Variants in SFTPB observed in about 807,000 individuals in gnomAD.
SFTPB encodes the protein surfactant protein B.
In SFTPB, 32 loss-of-function variants were observed where a neutral mutation model predicts 51.0. The observed-to-expected ratio is 0.63, with a 90% CI of 0.47 to 0.84. The LOEUF is 0.84. Ranked by LOEUF, SFTPB falls within the 40% of genes least tolerant of loss-of-function variation. SFTPB has a pLI of 0.00. For missense variants in SFTPB, 431 were observed against 491.2 expected, an observed-to-expected ratio of 0.88 and a Z score of 1.16; for synonymous variants, 211 against 208.5, an observed-to-expected ratio of 1.01 and a Z score of -0.10.
In SFTPB at chr2:85,662,107, G is replaced by C. The variant is rs2104395780; in HGVS notation, c.1005C>G (p.Cys335Trp). 1.9e-6 allele frequency: 3 copies of C among 1,600,276 alleles called. No homozygotes were observed. The highest frequency in any genetic ancestry group is 2.3e-5 in the South Asian group (2 of 87,872). Residue 335 changes from cysteine (C) to tryptophan (W), a missense_variant and splice_region_variant, in exon 9 of 11, where the codon TGC becomes TGG. Coordinates refer to ENST00000519937, the MANE Select transcript of SFTPB (RefSeq NM_000542.5). The part of the protein sequence containing the change: ...CVGSWLDREK[C>W]KQFVEQHTPQ... ...GCGTGTGCTGCTCCACAAATTGCTT[G>C]CACTGAGGAAGGAGACACACAGCTG...
Position 85,663,684 on chromosome 2 carries a change from A to C in SFTPB, c.836T>G (p.Met279Arg). ...CTCACTTGGGCCAGCGCTGTCATCC[A>C]TGGAGCACCGGAGGACGAGGCGGCA... ...LVCRLVLRCS[M>R]DDSAGPRSPT... The change falls in exon 7 of 11, where the codon ATG (methionine) becomes AGG (arginine). Residue 279 changes from methionine (M) to arginine (R), a missense_variant. By Grantham distance (91) the Met-to-Arg change is moderately conservative. Transcript: ENST00000519937. 6.2e-7 allele frequency: 1 copy of C among 1,612,634 alleles called. No individual in the cohort carries two copies.
At position 85,663,844 on chromosome 2, in the gene SFTPB, C is replaced by T. The variant is rs753120082; in HGVS notation, c.676G>A (p.Ala226Thr). The T allele has an allele frequency of 1.3e-6, 2 of 1,582,258 alleles. No individual in the cohort carries two copies. The highest frequency in any genetic ancestry group is 1.3e-5 in the African/African-American group (1 of 74,500). The change falls in exon 7 of 11, where the codon GCG (alanine) becomes ACG (threonine). Residue 226 changes from alanine to threonine, a missense_variant. Coordinates refer to ENST00000519937, the MANE Select transcript of SFTPB (RefSeq NM_000542.5). ...KRIQAMIPKGALAVAVAQVCR... is the reference protein window; with the variant it reads ...KRIQAMIPKGTLAVAVAQVCR... ...ACCTGGGCCACTGCCACAGCTAGCG[C>T]ACCCTGGGGCGGGGGCGGAGAGAGG...
intron 2 of SFTPB, among the ~76,000 whole-genome samples, chr2:85,667,415 T>TC: frequency 6.7e-6 from 1 of 150,218 alleles, no homozygotes; most frequent in African/African-American, 2.5e-5. Context: ...TCCCATCCCA[T>TC]CCATCTTTAT....
intron 8 of SFTPB, chr2:85,662,386 T>G: frequency 1.0e-6 from 1 of 996,120 alleles, no homozygotes; most frequent in Non-Finnish European, 1.4e-6. Flanking sequence ...CACCTCCATT[T>G]CAGTTCTAGA....
chr2:85,666,285 G>A (rs534826586), intron 4 of SFTPB, among the ~76,000 whole-genome samples: 2 of 140,022 alleles, frequency 1.4e-5, no homozygotes, highest in Non-Finnish European at 3.2e-5. Flanking sequence ...GTATGTGTCT[G>A]GATGGAGTGC....
chr2:85,667,074 C>T, intron 3 of SFTPB, 32 bp downstream of exon 3: 4 of 1,572,304 alleles, frequency 2.5e-6, no homozygotes, highest in Non-Finnish European at 2.6e-6. Flanking sequence ...CTCTTGGGCC[C>T]CAACCTTCAT....
intron 4 of SFTPB, among the ~76,000 whole-genome samples, chr2:85,666,007 T>C (rs1342186826): frequency 1.3e-5 from 2 of 152,148 alleles, no homozygotes; most frequent in Non-Finnish European, 2.9e-5. Flanking sequence ...TGAATGAGCA[T>C]GAGCATATAT....
At chr2:85,663,885 C>T (rs2104402779) in intron 6 of SFTPB, 38 bp from the exon 7 acceptor site, 1 of 1,546,644 alleles carries the variant, frequency 6.5e-7, no homozygotes. Flanking sequence ...ATGGGACCTT[C>T]ACTTGGCAAG....
chr2:85,663,897 C>T, intron 6 of SFTPB, 50 bp from the exon 7 acceptor site: 3 of 1,520,946 alleles, frequency 2.0e-6, no homozygotes, highest in Non-Finnish European at 2.6e-6. Context: ...CTTGGCAAGC[C>T]TCCACTCTCT....
chr2:85,665,222 G>A, intron 6 of SFTPB, 67 bp downstream of exon 6: 1 of 1,180,676 alleles, frequency 8.5e-7, no homozygotes, highest in Admixed American at 1.7e-5. Flanking sequence ...TGGGAGAGAG[G>A]TGGGAGCTGC....
At position 85,662,123 on chromosome 2, in the gene SFTPB, C is replaced by G. The variant is rs1248845362; in HGVS notation, c.1003-14G>C. The G allele has an allele frequency of 6.3e-7, 1 of 1,593,602 alleles. No individual in the cohort carries two copies. The highest frequency in any genetic ancestry group is 1.1e-5 in the South Asian group (1 of 87,214). The stretch of plus-strand genomic sequence containing the variant: ...AAATTGCTTGCACTGAGGAAGGAGA[C>G]ACACAGCTGTGGAGGGTCCCTTTGC... On this transcript the variant is annotated splice_polypyrimidine_tract_variant and intron_variant, in intron 8 of 10. Transcript: ENST00000519937.
chr2:85,666,297 G>C (rs1677602020), intron 4 of SFTPB, among the ~76,000 whole-genome samples: 1 of 137,306 alleles, frequency 7.3e-6, no homozygotes, highest in African/African-American at 2.6e-5. Flanking sequence ...ATGGAGTGCT[G>C]TGTGTGTGTG....
At chr2:85,660,324 G>A (rs1677225449) in intron 10 of SFTPB, among the ~76,000 whole-genome samples, 1 of 137,326 alleles carries the variant, frequency 7.3e-6, no homozygotes, top group Admixed American at 7.6e-5. Flanking sequence ...TAGTAGATAC[G>A]GGGTTTCATC....
intron 3 of SFTPB, 55 bp downstream of exon 3, chr2:85,667,051 C>T: frequency 6.8e-7 from 1 of 1,472,630 alleles, no homozygotes; most frequent in South Asian, 1.1e-5. Flanking sequence ...CTCTTCCCTG[C>T]TCTGTCCCTC....
At chr2:85,665,540 A>C in intron 5 of SFTPB, 66 bp downstream of exon 5, 2 of 1,568,440 alleles carry the variant, frequency 1.3e-6, no homozygotes, top group African/African-American at 1.4e-5. Context: ...CCCAGTGCCC[A>C]TGGGCTTCGG....
intron 6 of SFTPB, among the ~76,000 whole-genome samples, chr2:85,664,652 G>C (rs1677481465): frequency 6.6e-6 from 1 of 152,170 alleles, no homozygotes; most frequent in South Asian, 2.1e-4. Flanking sequence ...AGTAGAGACG[G>C]GGTTTCGCCA....
chr2:85,660,806 G>A (rs907097177), intron 10 of SFTPB, among the ~76,000 whole-genome samples: 2 of 152,044 alleles, frequency 1.3e-5, no homozygotes, highest in East Asian at 1.9e-4. Context: ...CCATGTTAGG[G>A]GCTGGCTCTG....
intron 8 of SFTPB, among the ~76,000 whole-genome samples, chr2:85,662,806 C>T (rs1374063829): frequency 7.0e-6 from 1 of 143,090 alleles, no homozygotes; most frequent in Non-Finnish European, 1.5e-5. Flanking sequence ...TGCCATTGCA[C>T]TCCAGCCTGG....
chr2:85,663,816 C>T lies in SFTPB; in HGVS notation c.704G>A (p.Cys235Tyr), dbSNP rs1165693434. Residue 235 changes from cysteine (C) to tyrosine (Y), a missense_variant, in exon 7 of 11, where the codon TGC (cysteine) becomes TAC (tyrosine). By Grantham distance (194) the Cys-to-Tyr change is radical (BLOSUM62 -2). Transcript: ENST00000519937. ...GALAVAVAQVCRVVPLVAGGI... is the reference protein window; with the variant it reads ...GALAVAVAQVYRVVPLVAGGI... Reference sequence around the variant, plus strand: ...GCCCGCCACCAGAGGTACCACGCGGCACACCTGGGCCACTGCCACAGCTAG... The same window carrying T: ...GCCCGCCACCAGAGGTACCACGCGGTACACCTGGGCCACTGCCACAGCTAG... 2 of 1,596,460 alleles carry T rather than the reference C, an allele frequency of 1.3e-6. No individual in the cohort carries two copies. Among genetic ancestry groups the T allele is most frequent in the South Asian group, 1.1e-5 (1 of 88,826 alleles).
Sources: gnomAD v4.1 joint callset for allele counts (sites outside exome capture counted in the v4.1 genomes callset) on GRCh38, gnomAD v4.1.1 for gene constraint, MANE v1.5 for transcripts, NCBI Gene and HGNC (gene_info 2026-07-23, HGNC 2026-07-21) for gene names.